The following KLF12 variants were observed in gnomAD, a reference collection of about 807,000 sequenced individuals.
The protein encoded by KLF12 is Krueppel-like factor 12.
A neutral mutation model predicts 37.8 loss-of-function variants in KLF12; 9 were observed. That is an observed-to-expected ratio of 0.24 (90% confidence interval 0.14 to 0.42). The LOEUF is 0.42. Ranked by LOEUF, KLF12 falls within the 10% of genes least tolerant of loss-of-function variation. The pLI is 1.00. For synonymous variants in KLF12, 208 were observed against 202.1 expected (o/e 1.03, Z -0.25); for missense variants, 411 against 516.0 (o/e 0.80, Z 1.97).
rs1021308954 is a variant in KLF12 at position 73,908,823 on chromosome 13, G to A, written c.123+35158C>T. On this transcript the variant is annotated intron_variant, in intron 3 of 7. Coordinates refer to ENST00000377669, the MANE Select transcript of KLF12 (RefSeq NM_007249.5). The stretch of plus-strand genomic sequence containing the variant: ...CAGCACTCACCACTGATATTTAGTT[G>A]TTGATCTCTATGCTATCTGCCCCAC... 1.5e-4 allele frequency among the ~76,000 whole-genome samples: 23 copies of A among 152,020 alleles called. 1 individual carries two copies. The highest frequency in any genetic ancestry group is 5.6e-4 in the African/African-American group (23 of 41,416).
chr13:73,785,468 CAA>C (rs1354964453), intron 5 of KLF12, among the ~76,000 whole-genome samples: 2 of 152,126 alleles, frequency 1.3e-5, no homozygotes, highest in African/African-American at 4.8e-5. Flanking sequence ...GCCTTCTACC[CAA>C]AGTTACATCT....
At position 73,845,847 on chromosome 13, in the gene KLF12, T is replaced by A; in HGVS notation, c.650A>T (p.Asp217Val). Residue 217 changes from aspartate (D) to valine (V), a missense_variant, in exon 4 of 8, where the codon GAT becomes GTT. Coordinates refer to ENST00000377669, the MANE Select transcript of KLF12 (RefSeq NM_007249.5). ...CTTACCTTTGCCATGGCCTCTCCCA[T>A]CCTCCAAAAGCGGCACGACAATAGT... is the stretch of plus-strand genomic sequence containing the variant. 1.9e-6 allele frequency: 3 copies of A among 1,613,676 alleles called. No homozygotes were observed. Among genetic ancestry groups the A allele is most frequent in the Non-Finnish European group, 2.5e-6 (3 of 1,179,682 alleles).
At chr13:73,805,606 A>AAGGGAGGGAGGGAGGGAGGGAGGG (rs1566379956) in intron 5 of KLF12, among the ~76,000 whole-genome samples, 5 of 50,150 alleles carry the variant, frequency 1.0e-4, no homozygotes, top group Admixed American at 5.4e-4. Context: ...GCACTGTCAG[A>AAGGGAGGGAGGGAGGGAGGGAGGG]AGGAAGGGAG....
intron 1 of KLF12, among the ~76,000 whole-genome samples, chr13:74,023,124 C>G (rs1892885627): frequency 6.6e-6 from 1 of 152,124 alleles, no homozygotes; most frequent in Non-Finnish European, 1.5e-5. Context: ...ATACAGATGC[C>G]CAGGCCCTAC....
intron 1 of KLF12, among the ~76,000 whole-genome samples, chr13:74,099,333 T>C (rs1876172793): frequency 6.6e-6 from 1 of 152,110 alleles, no homozygotes; most frequent in Non-Finnish European, 1.5e-5. Flanking sequence ...GGCAACAGAG[T>C]GAGACCCTGT....
chr13:74,162,227 T>G, the KLF12 span, among the ~76,000 whole-genome samples: 2 of 152,226 alleles, frequency 1.3e-5, no homozygotes, highest in Admixed American at 6.5e-5. Context: ...AAGGCAGCTA[T>G]TCAGCTCAGA....
chr13:73,974,182 T>A (rs1376793963), intron 2 of KLF12, among the ~76,000 whole-genome samples: 2 of 151,944 alleles, frequency 1.3e-5, no homozygotes, highest in East Asian at 3.9e-4. Context: ...AGAAAAATAT[T>A]TCAAGTAAAA....
chr13:74,086,208 T>C (rs1195364779), intron 1 of KLF12, among the ~76,000 whole-genome samples: 2 of 151,330 alleles, frequency 1.3e-5, no homozygotes, highest in Non-Finnish European at 2.9e-5. Context: ...CATGCTGGTG[T>C]GCTGCACCCA....
chr13:74,039,522 C>G (rs1025864341), intron 1 of KLF12, among the ~76,000 whole-genome samples: 2 of 151,594 alleles, frequency 1.3e-5, no homozygotes, highest in African/African-American at 4.9e-5. Context: ...ACAACGAGAC[C>G]CCATCTCCAA....
intron 6 of KLF12, among the ~76,000 whole-genome samples, chr13:73,719,299 G>A (rs963447570): frequency 2.6e-4 from 39 of 152,126 alleles, no homozygotes; most frequent in African/African-American, 9.2e-4. Context: ...GGCGGGCACT[G>A]CAAGTGGACG....
At chr13:73,998,299 C>T (rs1471917605) in intron 1 of KLF12, among the ~76,000 whole-genome samples, 2 of 152,134 alleles carry the variant, frequency 1.3e-5, no homozygotes, top group African/African-American at 4.8e-5. Context: ...GTGTTTAATA[C>T]ATTTTAAATG....
chr13:74,276,060 A>T, the KLF12 span, among the ~76,000 whole-genome samples: 1 of 151,738 alleles, frequency 6.6e-6, no homozygotes, highest in East Asian at 1.9e-4. Context: ...TGCTGCACCC[A>T]TCAACCCGTC....
At chr13:73,874,001 C>T (rs949468015) in intron 3 of KLF12, among the ~76,000 whole-genome samples, 1 of 151,892 alleles carries the variant, frequency 6.6e-6, no homozygotes, top group African/African-American at 2.4e-5. Flanking sequence ...TTAAAAAAAG[C>T]AAGTAAGAGA....
intron 1 of KLF12, among the ~76,000 whole-genome samples, chr13:74,037,863 C>T (rs1252874751): frequency 6.6e-6 from 1 of 152,136 alleles, no homozygotes; most frequent in Non-Finnish European, 1.5e-5. Context: ...TCTTATAGTT[C>T]TTCATGCCAT....
At chr13:74,028,763 G>A (rs886966538) in intron 1 of KLF12, among the ~76,000 whole-genome samples, 191 of 152,024 alleles carry the variant, frequency 1.3e-3, no homozygotes, top group African/African-American at 4.4e-3. Context: ...GTTACAATGT[G>A]TAAGAGAAGG....
At chr13:73,717,539 C>CTT (rs1198201815) in intron 6 of KLF12, among the ~76,000 whole-genome samples, 2 of 152,202 alleles carry the variant, frequency 1.3e-5, no homozygotes, top group Non-Finnish European at 2.9e-5. Flanking sequence ...TACCTTCTCC[C>CTT]TTTTACTAAT....
At chr13:73,722,998 C>T (rs17090377) in intron 6 of KLF12, among the ~76,000 whole-genome samples, 23,187 of 151,996 alleles carry the variant, frequency 0.15, 2,909 homozygotes, top group African/African-American at 0.35. Context: ...CTTTCTAGAC[C>T]GTTAAAAAAC....
Position 73,939,074 on chromosome 13 carries a change from C to T in KLF12, c.123+4907G>A, listed in dbSNP as rs181612365. On this transcript the variant is annotated intron_variant, in intron 3 of 7. Coordinates refer to ENST00000377669, the MANE Select transcript of KLF12 (RefSeq NM_007249.5). ...ATTGCCGCTCTTCTCTGCCGGCCCA[C>T]GGATCAGAACTGTACCTGGTTCTAC... is the stretch of plus-strand genomic sequence containing the variant. 1.5e-3 allele frequency among the ~76,000 whole-genome samples: 225 copies of T among 152,296 alleles called. 1 individual carries two copies. The highest frequency in any genetic ancestry group is 4.9e-3 in the African/African-American group (202 of 41,548).
the KLF12 span, among the ~76,000 whole-genome samples, chr13:74,223,904 A>G: frequency 3.9e-5 from 6 of 152,086 alleles, no homozygotes; most frequent in South Asian, 2.1e-4. Context: ...TAACTTTCCT[A>G]TATTTTGCCA....
Sources: gnomAD v4.1 joint callset for allele counts (sites outside exome capture counted in the v4.1 genomes callset) on GRCh38, gnomAD v4.1.1 for gene constraint, MANE v1.5 for transcripts, NCBI Gene and HGNC (gene_info 2026-07-23, HGNC 2026-07-21) for gene names.